RALY: variants seen among roughly 807,000 people sequenced by gnomAD.
The protein encoded by RALY is RNA-binding protein Raly.
Under a neutral mutation model 30.7 loss-of-function variants are expected in RALY, and 15 were observed. The observed-to-expected ratio is 0.49, with a 90% CI of 0.33 to 0.75. The LOEUF is 0.75. Ranked by LOEUF, RALY falls within the 30% of genes least tolerant of loss-of-function variation. RALY has a pLI of 0.02. For synonymous variants in RALY, 177 were observed against 170.8 expected (o/e 1.04, Z -0.28); for missense variants, 339 against 414.3 (o/e 0.82, Z 1.58).
intron 2 of RALY, chr20:34,065,170 G>A (rs1268614920): frequency 6.6e-6 from 1 of 152,232 alleles, no homozygotes; most frequent in South Asian, 2.1e-4. Flanking sequence ...AGTGAGTGAA[G>A]GAGATAGGAA....
intron 1 of RALY, among the ~76,000 whole-genome samples, chr20:34,008,126 T>A (rs1844655221): frequency 6.6e-6 from 1 of 152,252 alleles, no homozygotes; most frequent in South Asian, 2.1e-4. Flanking sequence ...CCATTTTTGT[T>A]GTATTCTCCC....
chr20:34,032,147 G>A (rs1353715659), intron 2 of RALY, among the ~76,000 whole-genome samples: 1 of 152,156 alleles, frequency 6.6e-6, no homozygotes. Flanking sequence ...TTTTTTAGTA[G>A]AGACGGGGTT....
At chr20:34,033,155 C>G (rs1271676638) in intron 2 of RALY, 1 of 152,270 alleles carries the variant, frequency 6.6e-6, no homozygotes, top group Non-Finnish European at 1.5e-5. Flanking sequence ...AACATGTGCC[C>G]TTGGACAGTC....
intron 1 of RALY, among the ~76,000 whole-genome samples, chr20:34,028,446 A>C (rs2032128424): frequency 6.6e-6 from 1 of 151,962 alleles, no homozygotes; most frequent in African/African-American, 2.4e-5. Flanking sequence ...GAGATGTTTC[A>C]AGAACTTGGC....
At chr20:34,079,189 C>CCTG (rs1434612466) in intron 9 of RALY, among the ~76,000 whole-genome samples, 3 of 152,160 alleles carry the variant, frequency 2.0e-5, no homozygotes, top group Non-Finnish European at 1.5e-5. Flanking sequence ...AGGAGCTGCA[C>CCTG]CTGCTTTCTC....
rs1244319724 is a variant in RALY, at chr20:34,080,653, C to G, written c.*748C>G. On this transcript the variant is annotated 3_prime_UTR_variant, in exon 10 of 10. Transcript: ENST00000246194. ...TCCCACCAGCCTCCCAGTCTTCTGC[C>G]TCTGCCCTGTACCATCTCCCAGCAG... The G allele has an allele frequency of 2.0e-5, 3 of 152,540 alleles. No homozygotes were observed. The highest frequency in any genetic ancestry group is 6.5e-5 in the Admixed American group (1 of 15,280). 9.4% of individuals were successfully genotyped at this position (152,540 alleles called of 1,614,324 possible). A position where few individuals can be genotyped will look rare whatever the true frequency, so the allele number is the denominator to read the frequency against.
chr20:34,003,156 C>T (rs972025435), intron 1 of RALY, among the ~76,000 whole-genome samples: 2 of 152,060 alleles, frequency 1.3e-5, no homozygotes, highest in African/African-American at 4.8e-5. Context: ...TGTTGTGCTC[C>T]CGATTTCTTC....
chr20:34,067,491 C>T (rs2033608093), intron 2 of RALY, among the ~76,000 whole-genome samples: 1 of 152,216 alleles, frequency 6.6e-6, no homozygotes, highest in African/African-American at 2.4e-5. Context: ...TGTGACGGCT[C>T]TCTGGGTGTC....
chr20:34,028,900 AG>A (rs1387130497), intron 1 of RALY, among the ~76,000 whole-genome samples: 1 of 152,020 alleles, frequency 6.6e-6, no homozygotes, highest in Non-Finnish European at 1.5e-5. Context: ...GGTAGAAGTA[AG>A]GCGGATGATG....
At chr20:34,054,583 C>T (rs1019928419) in intron 2 of RALY, among the ~76,000 whole-genome samples, 1 of 152,094 alleles carries the variant, frequency 6.6e-6, no homozygotes, top group Non-Finnish European at 1.5e-5. Flanking sequence ...CCCAGCACTT[C>T]GGGAGGCTGA....
At chr20:34,040,938 C>T (rs147850161) in intron 2 of RALY, among the ~76,000 whole-genome samples, 31 of 152,208 alleles carry the variant, frequency 2.0e-4, no homozygotes, top group African/African-American at 7.5e-4. Context: ...TTGGGAGTAC[C>T]CAAGAATAGG....
At chr20:34,007,149 G>A (rs1022052334) in intron 1 of RALY, among the ~76,000 whole-genome samples, 9 of 152,132 alleles carry the variant, frequency 5.9e-5, no homozygotes, top group African/African-American at 1.9e-4. Flanking sequence ...CCAAGGCCCC[G>A]CCTGGATTTG....
intron 2 of RALY, among the ~76,000 whole-genome samples, chr20:34,038,740 A>G (rs1295606150): frequency 2.0e-5 from 3 of 152,130 alleles, no homozygotes; most frequent in African/African-American, 7.2e-5. Context: ...TCTGACATTT[A>G]TTTTCTGTGT....
At chr20:34,028,303 AATCTT>A (rs1161923685) in intron 1 of RALY, among the ~76,000 whole-genome samples, 1 of 151,822 alleles carries the variant, frequency 6.6e-6, no homozygotes, top group Non-Finnish European at 1.5e-5. Flanking sequence ...AAAAAAAAGA[AATCTT>A]ATAACTGACT....
At chr20:34,077,408 G>A in intron 8 of RALY, 163 bp downstream of exon 8, 1 of 1,470,794 alleles carries the variant, frequency 6.8e-7, no homozygotes, top group Non-Finnish European at 9.1e-7. Flanking sequence ...GAATGAGCAG[G>A]GGGCACTTGC....
intron 2 of RALY, among the ~76,000 whole-genome samples, chr20:34,059,260 G>A (rs992077625): frequency 2.0e-5 from 3 of 152,168 alleles, no homozygotes; most frequent in Non-Finnish European, 4.4e-5. Flanking sequence ...TTGTAATGAG[G>A]AAAATACTGA....
intron 5 of RALY, 32 bp downstream of exon 5, chr20:34,073,898 A>G (rs1307622664): frequency 1.9e-6 from 3 of 1,605,166 alleles, no homozygotes; most frequent in Non-Finnish European, 1.7e-6. Context: ...CCAGGCATGA[A>G]ACAGCCAAGC....
chr20:34,057,684 A>AC (rs1784397432), intron 2 of RALY, among the ~76,000 whole-genome samples: 1 of 151,892 alleles, frequency 6.6e-6, no homozygotes, highest in Non-Finnish European at 1.5e-5. Flanking sequence ...AAAAAAAAAA[A>AC]ACAACCTCTG....
intron 2 of RALY, among the ~76,000 whole-genome samples, chr20:34,063,072 A>G (rs916235993): frequency 2.0e-5 from 3 of 152,208 alleles, no homozygotes; most frequent in African/African-American, 7.2e-5. Flanking sequence ...GGTCTCGCAC[A>G]TATTCATCCT....
Sources: allele counts gnomAD v4.1 joint callset (sites outside exome capture counted in the v4.1 genomes callset), GRCh38; gene constraint gnomAD v4.1.1; transcripts MANE v1.5; gene names NCBI Gene and HGNC (gene_info 2026-07-23, HGNC 2026-07-21).